Variants in TCF12 observed in about 807,000 individuals in gnomAD.
TCF12 encodes the protein DNA-binding protein HTF4.
TCF12 carries 45 observed loss-of-function variants against 86.0 expected under a neutral mutation model. The ratio of observed to expected loss-of-function variants is 0.52; its 90% confidence interval spans 0.41 to 0.67. The LOEUF is 0.67. Among genes scored for constraint, TCF12 ranks in the 30% least tolerant of loss-of-function variants. The pLI is 0.00. For synonymous variants in TCF12, 330 were observed against 299.6 expected, an observed-to-expected ratio of 1.10 and a Z score of -1.05; for missense variants, 881 against 859.9, an observed-to-expected ratio of 1.02 and a Z score of -0.31.
At chr15:56,944,031 T>C (rs1442437623) in intron 3 of TCF12, among the ~76,000 whole-genome samples, 5 of 152,180 alleles carry the variant, frequency 3.3e-5, no homozygotes, top group Admixed American at 2.6e-4. Context: ...AATTTATGAA[T>C]ATGAGGTCTT....
At chr15:57,282,084 C>T (rs111286996) in intron 19 of TCF12, 7 of 298,180 alleles carry the variant, frequency 2.3e-5, no homozygotes, top group South Asian at 2.1e-4. Flanking sequence ...TACAAGATGT[C>T]AGCATTCATG....
At chr15:57,070,880 G>A (rs2069315983) in intron 4 of TCF12, among the ~76,000 whole-genome samples, 1 of 152,166 alleles carries the variant, frequency 6.6e-6, no homozygotes, top group Non-Finnish European at 1.5e-5. Context: ...GATGCCTTAA[G>A]AGTGTATCTA....
chr15:57,010,611 A>C (rs1218864696), intron 3 of TCF12, among the ~76,000 whole-genome samples: 1 of 152,180 alleles, frequency 6.6e-6, no homozygotes, highest in Non-Finnish European at 1.5e-5. Flanking sequence ...TTATGAAGGG[A>C]AGCTTTTTTC....
chr15:57,087,176 G>A (rs2048702793), intron 4 of TCF12, among the ~76,000 whole-genome samples: 2 of 151,510 alleles, frequency 1.3e-5, no homozygotes, highest in African/African-American at 4.9e-5. Flanking sequence ...ATTTTGGGAG[G>A]CCAAAATGGG....
intron 3 of TCF12, among the ~76,000 whole-genome samples, chr15:56,945,669 A>G (rs1052695624): frequency 2.0e-5 from 3 of 151,912 alleles, no homozygotes; most frequent in South Asian, 2.1e-4. Context: ...TAGATTTTCT[A>G]GTTTTCACTA....
chr15:57,098,041 C>G (rs1351683406), intron 5 of TCF12, among the ~76,000 whole-genome samples: 1 of 135,322 alleles, frequency 7.4e-6, no homozygotes, highest in Non-Finnish European at 1.6e-5. Flanking sequence ...AAAAACCAGT[C>G]AGGCATGATG....
intron 6 of TCF12, among the ~76,000 whole-genome samples, chr15:57,173,564 T>G (rs1288177622): frequency 1.3e-5 from 2 of 152,144 alleles, no homozygotes; most frequent in African/African-American, 4.8e-5. Context: ...GAGAGGTTAC[T>G]GCTATGAATC....
At chr15:57,033,060 A>G (rs1249314896) in intron 3 of TCF12, among the ~76,000 whole-genome samples, 4 of 152,316 alleles carry the variant, frequency 2.6e-5, no homozygotes, top group Admixed American at 6.5e-5. Context: ...GATGGACTCA[A>G]TAACAGAATG....
intron 6 of TCF12, among the ~76,000 whole-genome samples, chr15:57,167,784 C>G (rs1327491682): frequency 6.6e-6 from 1 of 152,116 alleles, no homozygotes; most frequent in Non-Finnish European, 1.5e-5. Flanking sequence ...ACCAAGCAGT[C>G]TTACTCTATT....
At chr15:57,024,216 C>CTTTTTTTTTT (rs59793819) in intron 3 of TCF12, among the ~76,000 whole-genome samples, 1 of 111,300 alleles carries the variant, frequency 9.0e-6, no homozygotes, top group African/African-American at 3.1e-5. Flanking sequence ...AAAAAAGTGT[C>CTTTTTTTTTT]TTTTTTTTTT....
chr15:57,035,131 A>T (rs1461974198), intron 3 of TCF12, among the ~76,000 whole-genome samples: 1 of 152,244 alleles, frequency 6.6e-6, no homozygotes, highest in African/African-American at 2.4e-5. Context: ...TGAGATTGGT[A>T]CAGTTACCTT....
chr15:57,075,836 T>TCTCTCTCTCTCTCTCTC (rs1567371379), intron 4 of TCF12, among the ~76,000 whole-genome samples: 3 of 22,344 alleles, frequency 1.3e-4, no homozygotes, highest in Non-Finnish European at 3.1e-4. Context: ...CTCTCTCTCT[T>TCTCTCTCTCTCTCTCTC]TTCTTTCTTT....
intron 2 of TCF12, 23 bp downstream of exon 2, chr15:56,920,011 C>T (rs540036442): frequency 1.2e-6 from 2 of 1,613,410 alleles, no homozygotes; most frequent in South Asian, 2.2e-5. Flanking sequence ...TCCATGGCAT[C>T]TTGGGGTTCT....
chr15:56,961,838 G>GTAT (rs2061767313), intron 3 of TCF12, among the ~76,000 whole-genome samples: 2 of 152,080 alleles, frequency 1.3e-5, no homozygotes, highest in Admixed American at 6.6e-5. Flanking sequence ...TACACTAGGT[G>GTAT]GTGATATAAA....
chr15:57,244,955 T>C (rs2059793110), intron 13 of TCF12, among the ~76,000 whole-genome samples: 1 of 152,228 alleles, frequency 6.6e-6, no homozygotes, highest in African/African-American at 2.4e-5. Context: ...TCGAACTATA[T>C]TTTTCTGAGC....
intron 8 of TCF12, 141 bp downstream of exon 8, chr15:57,197,966 G>A: frequency 1.2e-6 from 1 of 800,720 alleles, no homozygotes; most frequent in Non-Finnish European, 2.0e-6. Flanking sequence ...CAAAATCATT[G>A]ATTGAGGTAA....
At chr15:57,280,453 C>T (rs1174500484) in intron 19 of TCF12, among the ~76,000 whole-genome samples, 1 of 152,144 alleles carries the variant, frequency 6.6e-6, no homozygotes, top group African/African-American at 2.4e-5. Flanking sequence ...TATTAGTATG[C>T]ATCACTGATA....
At chr15:57,232,476 C>G in intron 10 of TCF12, 46 bp downstream of exon 10, 1 of 1,538,222 alleles carries the variant, frequency 6.5e-7, no homozygotes, top group Non-Finnish European at 8.7e-7. Flanking sequence ...TTTGTCCTCA[C>G]TTGTGTTTCT....
chr15:57,151,826 G>T (rs1320858143), intron 5 of TCF12, among the ~76,000 whole-genome samples: 1 of 151,036 alleles, frequency 6.6e-6, no homozygotes, highest in Non-Finnish European at 1.5e-5. Context: ...ACCCTTCAAA[G>T]AGGCCCAAGC....
Sources: gnomAD v4.1 joint callset for allele counts (sites outside exome capture counted in the v4.1 genomes callset) on GRCh38, gnomAD v4.1.1 for gene constraint, MANE v1.5 for transcripts, NCBI Gene and HGNC (gene_info 2026-07-23, HGNC 2026-07-21) for gene names.